The following CACNG3 variants were observed in gnomAD, a reference collection of about 807,000 sequenced individuals.
CACNG3 encodes the protein calcium voltage-gated channel auxiliary subunit gamma 3.
Under a neutral mutation model 28.5 loss-of-function variants are expected in CACNG3, and 3 were observed. That is an observed-to-expected ratio of 0.11 (90% CI 0.05 to 0.27). The LOEUF (loss-of-function observed/expected upper bound fraction) is 0.27. Ranked by LOEUF, CACNG3 falls within the 10% of genes least tolerant of loss-of-function variation. CACNG3 has a pLI of 1.00. For synonymous variants in CACNG3, 174 were observed against 162.2 expected (o/e 1.07, Z -0.55); for missense variants, 236 against 414.4 (o/e 0.57, Z 3.74).
intron 1 of CACNG3, among the ~76,000 whole-genome samples, chr16:24,258,250 C>T (rs1022026725): frequency 1.2e-4 from 19 of 152,206 alleles, no homozygotes; most frequent in Admixed American, 1.2e-3. Flanking sequence ...GCCTTTTTCC[C>T]ATGTCCTGAC....
intron 1 of CACNG3, among the ~76,000 whole-genome samples, chr16:24,318,482 G>T (rs541466858): frequency 6.6e-6 from 1 of 152,048 alleles, no homozygotes; most frequent in African/African-American, 2.4e-5. Context: ...ATGAATTACC[G>T]CACCCGGCCT....
At chr16:24,320,452 T>C (rs1188116264) in intron 1 of CACNG3, among the ~76,000 whole-genome samples, 1 of 152,258 alleles carries the variant, frequency 6.6e-6, no homozygotes, top group Non-Finnish European at 1.5e-5. Flanking sequence ...AGTTTGCTGC[T>C]GTATAAAATC....
intron 1 of CACNG3, among the ~76,000 whole-genome samples, chr16:24,299,673 G>A (rs1044729835): frequency 6.6e-5 from 10 of 152,124 alleles, no homozygotes; most frequent in African/African-American, 2.4e-4. Context: ...ATCTTAAGCT[G>A]AACATGACTT....
intron 1 of CACNG3, among the ~76,000 whole-genome samples, chr16:24,322,007 C>T (rs574762795): frequency 2.1e-3 from 325 of 152,286 alleles, no homozygotes; most frequent in African/African-American, 6.8e-3. Context: ...TGAGAAGGGA[C>T]TGCTGTATAC....
At chr16:24,284,016 A>G (rs1025443360) in intron 1 of CACNG3, among the ~76,000 whole-genome samples, 25 of 152,216 alleles carry the variant, frequency 1.6e-4, no homozygotes, top group African/African-American at 5.5e-4. Flanking sequence ...TATTGAGATT[A>G]TAAGTTTTAT....
At chr16:24,269,331 T>A (rs985505088) in intron 1 of CACNG3, among the ~76,000 whole-genome samples, 2 of 152,226 alleles carry the variant, frequency 1.3e-5, no homozygotes, top group Non-Finnish European at 2.9e-5. Context: ...CTTATACTAA[T>A]CCCTAACAAT....
At chr16:24,297,223 G>A (rs1899042809) in intron 1 of CACNG3, among the ~76,000 whole-genome samples, 1 of 147,200 alleles carries the variant, frequency 6.8e-6, no homozygotes. Flanking sequence ...ACTCTAGCCT[G>A]AGCAGCAGAG....
At chr16:24,260,768 A>G (rs2141343191) in intron 1 of CACNG3, among the ~76,000 whole-genome samples, 1 of 152,320 alleles carries the variant, frequency 6.6e-6, no homozygotes, top group African/African-American at 2.4e-5. Context: ...TTGCATGGAG[A>G]GACAATTGAC....
intron 1 of CACNG3, among the ~76,000 whole-genome samples, chr16:24,259,995 G>T (rs1898517431): frequency 6.6e-6 from 1 of 152,222 alleles, no homozygotes; most frequent in Admixed American, 6.5e-5. Context: ...CAATTATGAT[G>T]TTAAAGCCAA....
rs931052437 is a variant in CACNG3 at position 24,256,670 on chromosome 16, G to A, written c.-85G>A. 1 of 900,800 alleles carries A rather than the reference G, an allele frequency of 1.1e-6. No individual in the cohort carries two copies. The highest frequency in any genetic ancestry group is 1.6e-5 in the African/African-American group (1 of 61,162). 55.8% of individuals were successfully genotyped at this position (900,800 alleles called of 1,614,324 possible). A position where few individuals can be genotyped will look rare whatever the true frequency, so the allele number is the denominator to read the frequency against. ...TGAATTTTTGGAAGAGCCTGTACTAGGTTACCCGGCTGCAGAGTGATTTTC... is the reference window on the plus strand; with the variant it reads ...TGAATTTTTGGAAGAGCCTGTACTAAGTTACCCGGCTGCAGAGTGATTTTC... On this transcript the variant is annotated 5_prime_UTR_variant, in exon 1 of 4. An upstream open reading frame in the 5' UTR loses its in-frame stop. Coordinates refer to ENST00000005284, the MANE Select transcript of CACNG3 (RefSeq NM_006539.4). This position sits in a 1 kb window ranked among gnomAD's most constrained non-coding sequence, Gnocchi z 4.6.
chr16:24,305,209 G>A (rs1016330470), intron 1 of CACNG3, among the ~76,000 whole-genome samples: 17 of 151,990 alleles, frequency 1.1e-4, no homozygotes, highest in African/African-American at 3.9e-4. Context: ...GCATGAATGG[G>A]GATGAGGAAT....
At position 24,317,712 on chromosome 16, in the gene CACNG3, GA is replaced by G. The variant is rs66680261; in HGVS notation, c.212-29018del. On this transcript the variant is annotated intron_variant, in intron 1 of 3. Coordinates refer to ENST00000005284, the MANE Select transcript of CACNG3 (RefSeq NM_006539.4). ...AGAAAGAAAGAAAGAAAGAAAGAAA[GA>G]AAAGAAAGAAAAGAAAAAAGAAATG... is the stretch of plus-strand genomic sequence containing the variant. Among the ~76,000 whole-genome samples, 321 of 63,688 alleles carry G rather than the reference GA, an allele frequency of 5.0e-3. 2 individuals are homozygous for G. The highest frequency in any genetic ancestry group is 9.0e-3 in the African/African-American group (123 of 13,672). The allele number at this position is 63,688 out of a possible 152,430, so 41.8% of individuals were successfully genotyped here. A position where few individuals can be genotyped will look rare whatever the true frequency, so the allele number is the denominator to read the frequency against.
At chr16:24,321,337 C>T (rs1399696232) in intron 1 of CACNG3, among the ~76,000 whole-genome samples, 1 of 152,068 alleles carries the variant, frequency 6.6e-6, no homozygotes, top group Admixed American at 6.6e-5. Flanking sequence ...ATCCCAGCTC[C>T]TCAGGAGGCT....
rs138001116 is a variant in CACNG3, at chr16:24,309,816, A to T, written c.212-36918A>T. Among the ~76,000 whole-genome samples the T allele has an allele frequency of 6.9e-4, 105 of 152,326 alleles. 1 individual carries two copies. The East Asian group carries it at 8.7e-3, about 13-fold the overall frequency. ...GTATTCCAGGCAGAGGGCGTGGCGC[A>T]TGCTAAGGCCCTGGGGTAGTAAGGA... On this transcript the variant is annotated intron_variant, in intron 1 of 3. Transcript: ENST00000005284.
At chr16:24,360,416 C>G (rs1037845828) in intron 3 of CACNG3, among the ~76,000 whole-genome samples, 2 of 152,222 alleles carry the variant, frequency 1.3e-5, no homozygotes, top group African/African-American at 4.8e-5. Context: ...GAAGCTAAGT[C>G]TGCAAGCCTC....
At chr16:24,352,543 T>C (rs2141382763) in intron 2 of CACNG3, among the ~76,000 whole-genome samples, 1 of 150,940 alleles carries the variant, frequency 6.6e-6, no homozygotes, top group Non-Finnish European at 1.5e-5. Context: ...GTTTGTTTGT[T>C]TGTTTGTTTG....
Position 24,361,241 on chromosome 16 carries a change from T to G in CACNG3, c.437-111T>G, listed in dbSNP as rs1414688565. On this transcript the variant is annotated intron_variant, in intron 3 of 3. Coordinates refer to ENST00000005284, the MANE Select transcript of CACNG3 (RefSeq NM_006539.4). The surrounding 1 kb of genome is among the most constrained non-coding windows in gnomAD (Gnocchi z 6.8). ...GGTTGGATTTCCCAGCTATAATCCA[T>G]TCTCCTCTCTCCCCATTACCTCCAC... is the stretch of plus-strand genomic sequence containing the variant. The G allele has an allele frequency of 1.2e-6, 1 of 865,590 alleles. No homozygotes were observed. Among genetic ancestry groups the G allele is most frequent in the African/African-American group, 1.7e-5 (1 of 59,272 alleles). The allele number at this position is 865,590 out of a possible 1,614,324, so 53.6% of individuals were successfully genotyped here. A position where few individuals can be genotyped will look rare whatever the true frequency, so the allele number is the denominator to read the frequency against.
chr16:24,338,530 A>T (rs1381232016), intron 1 of CACNG3, among the ~76,000 whole-genome samples: 1 of 152,044 alleles, frequency 6.6e-6, no homozygotes, highest in Non-Finnish European at 1.5e-5. Context: ...TTTTTAGTAG[A>T]GACAGGGTTT....
At chr16:24,283,411 A>G (rs541402034) in intron 1 of CACNG3, among the ~76,000 whole-genome samples, 4 of 152,312 alleles carry the variant, frequency 2.6e-5, no homozygotes, top group South Asian at 2.1e-4. Flanking sequence ...ATTCAAGCCT[A>G]TGCATCTATT....
Sources: allele counts gnomAD v4.1 joint callset (sites outside exome capture counted in the v4.1 genomes callset), GRCh38; gene constraint gnomAD v4.1.1; non-coding constraint Gnocchi (gnomAD v3.1); transcripts MANE v1.5; gene names NCBI Gene and HGNC (gene_info 2026-07-23, HGNC 2026-07-21).